ABTB3: variants seen among roughly 807,000 people sequenced by gnomAD.
The protein encoded by ABTB3 is ankyrin repeat- and BTB/POZ domain-containing protein 3.
the ABTB3 span, chr12:107,617,686 A>C: frequency 2.0e-6 from 1 of 492,956 alleles, no homozygotes; most frequent in Admixed American, 3.7e-5. Context: ...GAGAGACATC[A>C]CTCTTGGTCG....
At chr12:107,552,032 G>A in the ABTB3 span, among the ~76,000 whole-genome samples, 9 of 152,282 alleles carry the variant, frequency 5.9e-5, 1 homozygote, top group South Asian at 1.5e-3. Flanking sequence ...GATTACAGGC[G>A]TGAGCCACCG....
the ABTB3 span, among the ~76,000 whole-genome samples, chr12:107,498,574 C>T: frequency 9.2e-5 from 14 of 152,274 alleles, no homozygotes; most frequent in East Asian, 1.9e-4. Flanking sequence ...TAGAGGCCAC[C>T]CACATTCCTT....
the ABTB3 span, among the ~76,000 whole-genome samples, chr12:107,480,318 G>C: frequency 6.6e-6 from 1 of 152,170 alleles, no homozygotes; most frequent in Non-Finnish European, 1.5e-5. Context: ...ACAGGGAGCT[G>C]TGGAATGCTT....
the ABTB3 span, among the ~76,000 whole-genome samples, chr12:107,405,680 C>T: frequency 6.6e-6 from 1 of 152,256 alleles, no homozygotes; most frequent in Non-Finnish European, 1.5e-5. Flanking sequence ...GGAAGAGAAG[C>T]CGGTCCCTGG....
At chr12:107,477,123 TAAAATC>T in the ABTB3 span, among the ~76,000 whole-genome samples, 1 of 152,116 alleles carries the variant, frequency 6.6e-6, no homozygotes, top group African/African-American at 2.4e-5. Flanking sequence ...TCTCTGCACT[TAAAATC>T]AAGGCATTGG....
chr12:107,652,683 C>G, the ABTB3 span, among the ~76,000 whole-genome samples: 1 of 152,176 alleles, frequency 6.6e-6, no homozygotes, highest in Admixed American at 6.5e-5. Flanking sequence ...TAACAAGCTG[C>G]TAGAGTGACA....
At chr12:107,650,255 T>C in the ABTB3 span, 1 of 152,238 alleles carries the variant, frequency 6.6e-6, no homozygotes, top group Non-Finnish European at 1.5e-5. Context: ...TGGGGATAAC[T>C]ATCTACCTCA....
At chr12:107,499,719 T>C in the ABTB3 span, among the ~76,000 whole-genome samples, 3 of 150,350 alleles carry the variant, frequency 2.0e-5, no homozygotes, top group East Asian at 5.9e-4. Flanking sequence ...AGAATCTCAC[T>C]CTGTCACCCA....
At chr12:107,508,121 T>C in the ABTB3 span, among the ~76,000 whole-genome samples, 12 of 151,318 alleles carry the variant, frequency 7.9e-5, no homozygotes, top group Admixed American at 7.9e-4. Flanking sequence ...GAAGAGTAGA[T>C]GTATAGATGA....
chr12:107,572,121 G>A, the ABTB3 span, among the ~76,000 whole-genome samples: 2 of 152,146 alleles, frequency 1.3e-5, no homozygotes, highest in African/African-American at 4.8e-5. Context: ...GATTATCTGA[G>A]TGGGCCCTAC....
the ABTB3 span, among the ~76,000 whole-genome samples, chr12:107,540,135 C>T: frequency 6.6e-6 from 1 of 152,100 alleles, no homozygotes; most frequent in Non-Finnish European, 1.5e-5. Flanking sequence ...TTATAAAGAA[C>T]AGAAATGTAT....
chr12:107,591,767 G>A, the ABTB3 span, among the ~76,000 whole-genome samples: 1 of 152,330 alleles, frequency 6.6e-6, no homozygotes, highest in South Asian at 2.1e-4. Context: ...GCATGGATCA[G>A]ACCCAGTTCT....
At chr12:107,436,956 C>G in the ABTB3 span, among the ~76,000 whole-genome samples, 1 of 152,084 alleles carries the variant, frequency 6.6e-6, no homozygotes, top group African/African-American at 2.4e-5. Flanking sequence ...CTGCATCCCC[C>G]CCCGCCGCAC....
chr12:107,430,319 G>T, the ABTB3 span, among the ~76,000 whole-genome samples: 1 of 152,060 alleles, frequency 6.6e-6, no homozygotes, highest in East Asian at 1.9e-4. Context: ...CATGACATTT[G>T]CCCAGGCATC....
chr12:107,440,314 T>C, the ABTB3 span, among the ~76,000 whole-genome samples: 1 of 152,216 alleles, frequency 6.6e-6, no homozygotes, highest in Non-Finnish European at 1.5e-5. Flanking sequence ...CTTCTTTCAG[T>C]TTCCCAGACA....
At chr12:107,658,590 T>TA in the ABTB3 span, 3 of 152,660 alleles carry the variant, frequency 2.0e-5, no homozygotes, top group African/African-American at 7.2e-5. Flanking sequence ...TGTGAAATGT[T>TA]ACGTTTGTGC....
chr12:107,473,741 G>T, the ABTB3 span, among the ~76,000 whole-genome samples: 1 of 151,820 alleles, frequency 6.6e-6, no homozygotes, highest in African/African-American at 2.4e-5. Flanking sequence ...GTATTTTATT[G>T]CACTTGGTGA....
chr12:107,603,463 A>T, the ABTB3 span, among the ~76,000 whole-genome samples: 1 of 152,226 alleles, frequency 6.6e-6, no homozygotes, highest in Non-Finnish European at 1.5e-5. Flanking sequence ...TGAAGACCAC[A>T]CAATGGCAAA....
At chr12:107,430,292 T>A in the ABTB3 span, among the ~76,000 whole-genome samples, 1 of 152,256 alleles carries the variant, frequency 6.6e-6, no homozygotes, top group Non-Finnish European at 1.5e-5. Flanking sequence ...AATAGCATCA[T>A]GTTGAATATT....
Sources: allele counts gnomAD v4.1 joint callset (sites outside exome capture counted in the v4.1 genomes callset), GRCh38; gene constraint gnomAD v4.1.1; transcripts MANE v1.5; gene names NCBI Gene and HGNC (gene_info 2026-07-23, HGNC 2026-07-21).